CDC20B: variants seen among roughly 807,000 people sequenced by gnomAD.
The protein encoded by CDC20B is cell division cycle 20B, also known as cell division cycle protein 20 homolog B.
CDC20B carries 58 observed loss-of-function variants against 64.1 expected under a neutral mutation model. That is an observed-to-expected ratio of 0.90 (90% CI 0.73 to 1.13). The LOEUF (loss-of-function observed/expected upper bound fraction) is 1.13. CDC20B is among the 50% of genes most tolerant of loss of function. CDC20B has a pLI of 0.00. For missense variants in CDC20B, 597 were observed against 633.0 expected (o/e 0.94, Z 0.61); for synonymous variants, 243 against 230.6 (o/e 1.05, Z -0.49).
chr5:55,127,971 A>T (rs1243306758), intron 7 of CDC20B, among the ~76,000 whole-genome samples: 1 of 152,202 alleles, frequency 6.6e-6, no homozygotes, highest in African/African-American at 2.4e-5. Context: ...GGTAATAAAC[A>T]ATAATAATGA....
chr5:55,169,352 C>T lies in CDC20B; in HGVS notation c.126+3236G>A, dbSNP rs113221751. On this transcript the variant is annotated intron_variant, in intron 2 of 11. Transcript: ENST00000381375. ...TTATAATCCAGTACAGTAGAGAATG[C>T]GAAATATTTCTTATATCTCATCTAT... Among the ~76,000 whole-genome samples, 13 of 152,250 alleles carry T rather than the reference C, an allele frequency of 8.5e-5. No homozygotes were observed. The South Asian group carries it at 1.2e-3, about 15-fold the overall frequency.
At chr5:55,162,065 A>G (rs530541078) in intron 2 of CDC20B, among the ~76,000 whole-genome samples, 35 of 142,106 alleles carry the variant, frequency 2.5e-4, no homozygotes, top group Non-Finnish European at 4.8e-4. Flanking sequence ...GCTCTGTGCC[A>G]GACACTGTTC....
intron 3 of CDC20B, among the ~76,000 whole-genome samples, chr5:55,146,128 A>G (rs1360687695): frequency 6.6e-6 from 1 of 152,162 alleles, no homozygotes; most frequent in Non-Finnish European, 1.5e-5. Context: ...ATGAGTCCCT[A>G]CATCTCAAAC....
At chr5:55,142,679 C>A (rs960144215) in intron 4 of CDC20B, among the ~76,000 whole-genome samples, 1 of 152,168 alleles carries the variant, frequency 6.6e-6, no homozygotes, top group Admixed American at 6.5e-5. Context: ...TCCCTATCCC[C>A]CAAACCCATA....
chr5:55,115,020 C>T (rs1321132496), intron 11 of CDC20B, among the ~76,000 whole-genome samples: 2 of 152,148 alleles, frequency 1.3e-5, no homozygotes, highest in African/African-American at 4.8e-5. Context: ...ACCATTCCTA[C>T]GAATGACAGT....
intron 5 of CDC20B, chr5:55,137,444 T>C (rs1381889252): frequency 2.3e-6 from 1 of 427,796 alleles, no homozygotes; most frequent in East Asian, 7.0e-5. Flanking sequence ...ACACAGCATT[T>C]GGATAACATT....
chr5:55,140,009 A>G (rs921120093), intron 5 of CDC20B, among the ~76,000 whole-genome samples: 5 of 152,184 alleles, frequency 3.3e-5, no homozygotes, highest in African/African-American at 1.2e-4. Context: ...CCTGAGCAAC[A>G]CCAAAAACAA....
chr5:55,152,220 G>A (rs1743687082), intron 2 of CDC20B, among the ~76,000 whole-genome samples: 2 of 152,246 alleles, frequency 1.3e-5, no homozygotes, highest in Admixed American at 1.3e-4. Flanking sequence ...CAATGAAACT[G>A]AGTTTGGACC....
chr5:55,129,897 G>A (rs1264585393), intron 6 of CDC20B, among the ~76,000 whole-genome samples: 3 of 152,186 alleles, frequency 2.0e-5, no homozygotes, highest in African/African-American at 4.8e-5. Context: ...ACAGGACCCA[G>A]TGACTATAAC....
chr5:55,119,787 A>G lies in CDC20B; in HGVS notation c.1459+14T>C. ...GCTATAGGTGCATGGCATTTTACTC[A>G]CCCATTTGCTTACCAAAAAACCCAC... is the stretch of plus-strand genomic sequence containing the variant. On this transcript the variant is annotated intron_variant, in intron 11 of 11. Transcript: ENST00000381375. 2.0e-6 allele frequency: 3 copies of G among 1,508,938 alleles called. No homozygotes were observed. Among genetic ancestry groups the G allele is most frequent in the African/African-American group, 2.7e-5 (2 of 72,840 alleles). 93.5% of individuals were successfully genotyped at this position (1,508,938 alleles called of 1,614,324 possible).
intron 2 of CDC20B, among the ~76,000 whole-genome samples, chr5:55,162,647 C>T (rs888880333): frequency 5.3e-5 from 8 of 152,244 alleles, no homozygotes; most frequent in Non-Finnish European, 5.9e-5. Flanking sequence ...CCATAAATGG[C>T]AACCACAGTG....
intron 3 of CDC20B, among the ~76,000 whole-genome samples, chr5:55,145,751 C>T (rs536961817): frequency 6.6e-6 from 1 of 150,696 alleles, no homozygotes; most frequent in African/African-American, 2.4e-5. Context: ...TCCTCCTCCT[C>T]TGTCTCCTCC....
At chr5:55,131,813 C>T (rs1456195926) in intron 6 of CDC20B, among the ~76,000 whole-genome samples, 1 of 151,998 alleles carries the variant, frequency 6.6e-6, no homozygotes. Flanking sequence ...GCCTGTAATC[C>T]CAGCACTTTG....
At position 55,147,940 on chromosome 5, in the gene CDC20B, T is replaced by A. The variant is rs116336340; in HGVS notation, c.127-1084A>T. 9.1e-4 allele frequency among the ~76,000 whole-genome samples: 138 copies of A among 152,348 alleles called. 1 individual carries two copies. The highest frequency in any genetic ancestry group is 3.2e-3 in the African/African-American group (133 of 41,576). The stretch of plus-strand genomic sequence containing the variant: ...TTGCTCAACATCTGTCCATCTTCTC[T>A]AAGAAACACCAGGAGTTTGATATTT... On this transcript the variant is annotated intron_variant, in intron 2 of 11. Transcript: ENST00000381375.
At position 55,173,018 on chromosome 5, in the gene CDC20B, C is replaced by A; in HGVS notation, c.-18G>T. On this transcript the variant is annotated 5_prime_UTR_variant, in exon 1 of 12. In the 5' UTR this introduces an upstream ATG that the reference lacks. Transcript: ENST00000381375. The stretch of plus-strand genomic sequence containing the variant: ...CACTCCATCTCCGGCTGACTTCGCC[C>A]TGCCTGGCGTTTGGCCTCTCTGCTC... 1.2e-6 allele frequency: 2 copies of A among 1,606,132 alleles called. No individual in the cohort carries two copies. Among genetic ancestry groups the A allele is most frequent in the Non-Finnish European group, 8.5e-7 (1 of 1,176,374 alleles).
At chr5:55,161,600 A>G (rs779118034) in intron 2 of CDC20B, among the ~76,000 whole-genome samples, 19 of 152,234 alleles carry the variant, frequency 1.2e-4, no homozygotes, top group Non-Finnish European at 2.4e-4. Context: ...CCTTCCCGTC[A>G]TTATAGCCAC....
intron 2 of CDC20B, among the ~76,000 whole-genome samples, chr5:55,148,796 T>C (rs1272905363): frequency 6.6e-6 from 1 of 152,260 alleles, no homozygotes; most frequent in Non-Finnish European, 1.5e-5. Flanking sequence ...TGAAACCATA[T>C]GTACAGGGTT....
chr5:55,121,566 A>G (rs1256053319), intron 9 of CDC20B, among the ~76,000 whole-genome samples: 2 of 152,022 alleles, frequency 1.3e-5, no homozygotes, highest in Non-Finnish European at 2.9e-5. Context: ...CATAAAGTAC[A>G]TTGTAATGAA....
chr5:55,139,553 A>C (rs1317395882), intron 5 of CDC20B, among the ~76,000 whole-genome samples: 1 of 152,196 alleles, frequency 6.6e-6, no homozygotes, highest in African/African-American at 2.4e-5. Flanking sequence ...TAGTAAATGA[A>C]AACTAAGGCA....
Sources: gnomAD v4.1 joint callset for allele counts (sites outside exome capture counted in the v4.1 genomes callset) on GRCh38, gnomAD v4.1.1 for gene constraint, MANE v1.5 for transcripts, NCBI Gene and HGNC (gene_info 2026-07-23, HGNC 2026-07-21) for gene names.